Variants in TAF2 observed in about 807,000 individuals in gnomAD.
The protein encoded by TAF2 is transcription initiation factor TFIID subunit 2.
Under a neutral mutation model 138.5 loss-of-function variants are expected in TAF2, and 61 were observed. That is an observed-to-expected ratio of 0.44 (90% CI 0.36 to 0.54). The LOEUF (loss-of-function observed/expected upper bound fraction) is 0.54. Ranked by LOEUF, TAF2 falls within the 20% of genes least tolerant of loss-of-function variation. The pLI is 0.00. For missense variants in TAF2, 1,090 were observed against 1,427.9 expected, an observed-to-expected ratio of 0.76 and a Z score of 3.81; for synonymous variants, 475 against 469.9, an observed-to-expected ratio of 1.01 and a Z score of -0.14.
chr8:119,755,994 C>T lies in TAF2; in HGVS notation c.2878+12G>A, dbSNP rs1338919350. 1 of 1,573,574 alleles carries T rather than the reference C, an allele frequency of 6.4e-7. No homozygotes were observed. Among genetic ancestry groups the T allele is most frequent in the Non-Finnish European group, 8.7e-7 (1 of 1,143,638 alleles). ...GTAATAATAAAAACAATTTAAATCC[C>T]TGCTCTCTCACCAGAATTCATAAGT... On this transcript the variant is annotated intron_variant, in intron 22 of 25. Coordinates refer to ENST00000378164, the MANE Select transcript of TAF2 (RefSeq NM_003184.4).
chr8:119,742,446 G>C, intron 25 of TAF2, 88 bp downstream of exon 25: 1 of 1,515,284 alleles, frequency 6.6e-7, no homozygotes, highest in East Asian at 2.5e-5. Flanking sequence ...ATTTTTAAAG[G>C]GTTTTTTAAA....
rs181702038 is a variant in TAF2, at chr8:119,802,696, T to G, written c.561-671A>C. On this transcript the variant is annotated intron_variant, in intron 5 of 25. Coordinates refer to ENST00000378164, the MANE Select transcript of TAF2 (RefSeq NM_003184.4). Reference sequence around the variant, plus strand: ...GGGAGGCTGAGGCAGGTGGATTACCTGAGGTCAGGAGTTGGAAACCAGCCT... The same window carrying G: ...GGGAGGCTGAGGCAGGTGGATTACCGGAGGTCAGGAGTTGGAAACCAGCCT... Among the ~76,000 whole-genome samples the G allele has an allele frequency of 3.7e-3, 571 of 152,288 alleles. 6 individuals carry two copies. Among genetic ancestry groups the G allele is most frequent in the African/African-American group, 0.013 (551 of 41,562 alleles).
intron 3 of TAF2, among the ~76,000 whole-genome samples, chr8:119,809,799 G>T (rs1407967135): frequency 6.6e-6 from 1 of 152,002 alleles, no homozygotes; most frequent in Non-Finnish European, 1.5e-5. Context: ...TGCCATCTGT[G>T]GCGTCCCCAA....
intron 16 of TAF2, among the ~76,000 whole-genome samples, chr8:119,781,598 T>C (rs913860688): frequency 2.6e-5 from 4 of 152,140 alleles, no homozygotes; most frequent in Admixed American, 2.6e-4. Context: ...GAGAACTGCT[T>C]GACTCAGGAC....
Position 119,731,819 on chromosome 8 carries a change from A to C in TAF2, c.*105T>G. ...AATGAATTCAGAATTTCTGTAGGAG[A>C]GGCGAATCCTTTCCCCCCTCCCTTT... On this transcript the variant is annotated 3_prime_UTR_variant, in exon 26 of 26. Transcript: ENST00000378164. The C allele has an allele frequency of 9.3e-7, 1 of 1,074,110 alleles. No homozygotes were observed. The highest frequency in any genetic ancestry group is 1.4e-6 in the Non-Finnish European group (1 of 694,844). The allele number at this position is 1,074,110 out of a possible 1,614,324, so 66.5% of individuals were successfully genotyped here.
intron 21 of TAF2, among the ~76,000 whole-genome samples, chr8:119,756,795 G>A (rs1820728197): frequency 6.6e-6 from 1 of 152,098 alleles, no homozygotes; most frequent in Admixed American, 6.5e-5. Context: ...AAAATACAGG[G>A]CAACGCAATG....
At chr8:119,747,180 G>C (rs1204729409) in intron 22 of TAF2, among the ~76,000 whole-genome samples, 2 of 151,866 alleles carry the variant, frequency 1.3e-5, no homozygotes, top group East Asian at 3.9e-4. Context: ...TTCATTCTCT[G>C]TTCATCGTGT....
rs1369808338 is a variant in TAF2, at chr8:119,801,781, A to G, written c.792+13T>C. 1 of 1,606,904 alleles carries G rather than the reference A, an allele frequency of 6.2e-7. No individual in the cohort carries two copies. On this transcript the variant is annotated intron_variant, in intron 6 of 25. Transcript: ENST00000378164. ...GGCCAGGAGGAGAGTAAGAGAGGAA[A>G]GCTCTGACTTACCTCATGCATGTAT... is the stretch of plus-strand genomic sequence containing the variant.
chr8:119,756,696 G>A (rs2326377), intron 21 of TAF2, among the ~76,000 whole-genome samples: 41,310 of 152,058 alleles, frequency 0.27, 6,872 homozygotes, highest in Admixed American at 0.46. Flanking sequence ...GTTGAGAAGA[G>A]TATCCTAAAA....
At chr8:119,806,891 A>G (rs1412149056) in intron 3 of TAF2, among the ~76,000 whole-genome samples, 1 of 152,248 alleles carries the variant, frequency 6.6e-6, no homozygotes, top group Non-Finnish European at 1.5e-5. Context: ...GTTAAAAACT[A>G]TTAATCTATG....
chr8:119,816,346 C>T (rs10105858), intron 3 of TAF2, among the ~76,000 whole-genome samples: 5,074 of 151,062 alleles, frequency 0.034, 161 homozygotes, highest in South Asian at 0.11. Context: ...CATGAGCCAC[C>T]GCACCAGGCC....
intron 2 of TAF2, among the ~76,000 whole-genome samples, chr8:119,822,916 C>T (rs927809311): frequency 5.9e-5 from 9 of 152,178 alleles, no homozygotes; most frequent in African/African-American, 2.2e-4. Flanking sequence ...CACCCTAAAT[C>T]CTTAAATTCA....
chr8:119,735,391 A>G (rs1819160187), intron 25 of TAF2, among the ~76,000 whole-genome samples: 1 of 152,212 alleles, frequency 6.6e-6, no homozygotes, highest in Non-Finnish European at 1.5e-5. Flanking sequence ...CCAACTAAAT[A>G]TAACTTGAAG....
At chr8:119,798,492 C>T (rs1752097358) in intron 6 of TAF2, among the ~76,000 whole-genome samples, 1 of 152,096 alleles carries the variant, frequency 6.6e-6, no homozygotes, top group Non-Finnish European at 1.5e-5. Context: ...AGGTCACTGA[C>T]TAGAACAACC....
chr8:119,766,841 T>C (rs1240966436), intron 18 of TAF2, among the ~76,000 whole-genome samples: 1 of 151,772 alleles, frequency 6.6e-6, no homozygotes, highest in Non-Finnish European at 1.5e-5. Context: ...CTCAAAAAAA[T>C]AACAAAAAAA....
chr8:119,780,302 C>T (rs7827811), intron 17 of TAF2, among the ~76,000 whole-genome samples: 46,644 of 152,004 alleles, frequency 0.31, 8,444 homozygotes, highest in African/African-American at 0.5. Flanking sequence ...ATAAGCATAG[C>T]ATAAAACACT....
chr8:119,816,657 T>A (rs557977968), intron 3 of TAF2, among the ~76,000 whole-genome samples: 1 of 152,200 alleles, frequency 6.6e-6, no homozygotes, highest in Non-Finnish European at 1.5e-5. Flanking sequence ...TTTCCCAAAG[T>A]TCTCTTTAAA....
chr8:119,781,196 G>A lies in TAF2; in HGVS notation c.2113-3C>T, dbSNP rs1822626200. The A allele has an allele frequency of 4.3e-6, 7 of 1,613,860 alleles. No individual in the cohort carries two copies. The highest frequency in any genetic ancestry group is 5.9e-6 in the Non-Finnish European group (7 of 1,179,928). On this transcript the variant is annotated splice_polypyrimidine_tract_variant and splice_region_variant and intron_variant, in intron 16 of 25. Transcript: ENST00000378164. Reference sequence around the variant, plus strand: ...GTGCTCACCATTGAATTTGCAATCTGCAAATAATTAGAAAACAAAGTAATT... The same window carrying A: ...GTGCTCACCATTGAATTTGCAATCTACAAATAATTAGAAAACAAAGTAATT...
chr8:119,754,342 A>G (rs1820556208), intron 22 of TAF2, among the ~76,000 whole-genome samples: 1 of 152,222 alleles, frequency 6.6e-6, no homozygotes, highest in South Asian at 2.1e-4. Context: ...AGGACAACTT[A>G]TTTTCCAATA....
Sources: gnomAD v4.1 joint callset for allele counts (sites outside exome capture counted in the v4.1 genomes callset) on GRCh38, gnomAD v4.1.1 for gene constraint, MANE v1.5 for transcripts, NCBI Gene and HGNC (gene_info 2026-07-23, HGNC 2026-07-21) for gene names.